TNPO3: variants seen among roughly 807,000 people sequenced by gnomAD.
TNPO3 encodes transportin 3.
A neutral mutation model predicts 122.8 loss-of-function variants in TNPO3; 65 were observed. The observed-to-expected ratio is 0.53, with a 90% CI of 0.43 to 0.65. The LOEUF is 0.65. Ranked by LOEUF, TNPO3 falls within the 30% of genes least tolerant of loss-of-function variation. The probability of loss-of-function intolerance (pLI) is 0.00; values close to 1 mark genes in which losing one functional copy is unlikely to be tolerated. For missense variants in TNPO3, 850 were observed against 1,136.7 expected (o/e 0.75, Z 3.63); for synonymous variants, 372 against 411.2 (o/e 0.90, Z 1.15).
At chr7:128,957,144 G>T (rs897694639) in intron 22 of TNPO3, 80 bp downstream of exon 22, 4 of 1,185,558 alleles carry the variant, frequency 3.4e-6, no homozygotes, top group African/African-American at 1.5e-5. Flanking sequence ...CCCATGATAG[G>T]CATTAAAACC....
At position 129,023,038 on chromosome 7, in the gene TNPO3, A is replaced by T. The variant is rs532009769; in HGVS notation, c.121-4881T>A. 5.3e-5 allele frequency among the ~76,000 whole-genome samples: 8 copies of T among 152,326 alleles called. No homozygotes were observed. The East Asian group carries it at 1.5e-3, about 29-fold the overall frequency. On this transcript the variant is annotated intron_variant, in intron 1 of 22. Transcript: ENST00000265388. The stretch of plus-strand genomic sequence containing the variant: ...GTGGAAGAAAGGGGAGAGCACATGC[A>T]AAACTATGCTTGTTTTTGGTGTATA...
At chr7:129,039,066 T>C (rs1348393272) in intron 1 of TNPO3, among the ~76,000 whole-genome samples, 1 of 152,140 alleles carries the variant, frequency 6.6e-6, no homozygotes, top group African/African-American at 2.4e-5. Flanking sequence ...ATGCTCAACA[T>C]GATTAGCCAT....
At chr7:129,001,570 G>A (rs759218533) in intron 5 of TNPO3, among the ~76,000 whole-genome samples, 1 of 152,150 alleles carries the variant, frequency 6.6e-6, no homozygotes, top group Non-Finnish European at 1.5e-5. Context: ...CAGGGGTAGT[G>A]GGTGGTCCTG....
At position 128,975,893 on chromosome 7, in the gene TNPO3, ACAGGAAG is replaced by A; in HGVS notation, c.2097_2103del (p.Phe700ThrfsTer21). 1 of 1,614,162 alleles carries A rather than the reference ACAGGAAG, an allele frequency of 6.2e-7. No homozygotes were observed. Among genetic ancestry groups the A allele is most frequent in the Non-Finnish European group, 8.5e-7 (1 of 1,179,970 alleles). ...TCATCCACAAGGATACTGCCAAGGTACAGGAAGCAGGAATGCTGATGTACGTGGTACA... is the reference window on the plus strand; with the variant it reads ...TCATCCACAAGGATACTGCCAAGGTACAGGAATGCTGATGTACGTGGTACA... On this transcript the variant is annotated frameshift_variant, in exon 17 of 23. Coordinates refer to ENST00000265388, the MANE Select transcript of TNPO3 (RefSeq NM_012470.4). LOFTEE classifies it high-confidence loss of function.
intron 1 of TNPO3, among the ~76,000 whole-genome samples, chr7:129,022,796 T>C (rs936933359): frequency 6.6e-6 from 1 of 152,194 alleles, no homozygotes; most frequent in African/African-American, 2.4e-5. Context: ...TTTTCAATTA[T>C]AAAGGCCAGA....
chr7:128,989,812 C>G, intron 11 of TNPO3, 149 bp downstream of exon 11: 1 of 829,688 alleles, frequency 1.2e-6, no homozygotes, highest in Non-Finnish European at 1.9e-6. Flanking sequence ...CAAATAAGCA[C>G]TAACTTACAA....
Position 128,992,046 on chromosome 7 carries a change from T to C in TNPO3, c.1311A>G (p.Thr437=), listed in dbSNP as rs1800801271. The C allele has an allele frequency of 6.2e-7, 1 of 1,611,388 alleles. No individual in the cohort carries two copies. The highest frequency in any genetic ancestry group is 2.2e-5 in the East Asian group (1 of 44,662). The part of the protein sequence containing the change: ...LKEGNPPWEV[T]EAVLFIMAAI... Reference sequence around the variant, plus strand: ...CAGCCATGATAAAGAGAACCGCTTCTGTCACCTCCCAGGGTGGGTTGCCTT... The same window carrying C: ...CAGCCATGATAAAGAGAACCGCTTCCGTCACCTCCCAGGGTGGGTTGCCTT... The change falls in exon 10 of 23, where the codon ACA becomes ACG. Residue 437 remains threonine, a synonymous_variant. Coordinates refer to ENST00000265388, the MANE Select transcript of TNPO3 (RefSeq NM_012470.4).
intron 18 of TNPO3, among the ~76,000 whole-genome samples, chr7:128,972,948 G>C (rs999294452): frequency 6.6e-6 from 1 of 151,858 alleles, no homozygotes; most frequent in South Asian, 2.1e-4. Context: ...TAGGAGGGAG[G>C]GGTATATGGG....
In TNPO3 at chr7:128,979,023, C is replaced by T; in HGVS notation, c.2021G>A (p.Gly674Asp). 1.2e-6 allele frequency: 2 copies of T among 1,614,174 alleles called. No homozygotes were observed. Among genetic ancestry groups the T allele is most frequent in the Non-Finnish European group, 1.7e-6 (2 of 1,180,006 alleles). The change falls in exon 16 of 23, where the codon GGC (glycine) becomes GAC (aspartate). Residue 674 changes from glycine to aspartate, a missense_variant. Gly to Asp is a moderately conservative substitution (Grantham distance 94, BLOSUM62 -1). Transcript: ENST00000265388. ...CTGCAGCAGTGCTGCAGATCCTTTG[C>T]CTACACAGCGAACAGCAAAGCGCAG... Reference protein sequence around the residue: ...RCLRFAVRCVGKGSAALLQPL... With the variant: ...RCLRFAVRCVDKGSAALLQPL...
chr7:128,974,975 A>G lies in TNPO3; in HGVS notation c.2179-13T>C. On this transcript the variant is annotated splice_polypyrimidine_tract_variant and intron_variant, in intron 17 of 22. Coordinates refer to ENST00000265388, the MANE Select transcript of TNPO3 (RefSeq NM_012470.4). ...GGATGCACAGTGCCTAAAACAAAAC[A>G]GTGATTTTAAAAGAAATGCTTTTTC... 6.2e-7 allele frequency: 1 copy of G among 1,608,606 alleles called. No homozygotes were observed.
At position 128,982,232 on chromosome 7, in the gene TNPO3, G is replaced by A. The variant is rs540440694; in HGVS notation, c.1859+16C>T. On this transcript the variant is annotated intron_variant, in intron 14 of 22. Coordinates refer to ENST00000265388, the MANE Select transcript of TNPO3 (RefSeq NM_012470.4). Reference sequence around the variant, plus strand: ...GCCTTTAACCCAAGTAAGGCATCCAGAGTCTCCTTTCTTACCTAAATATCA... The same window carrying A: ...GCCTTTAACCCAAGTAAGGCATCCAAAGTCTCCTTTCTTACCTAAATATCA... 4 of 1,608,676 alleles carry A rather than the reference G, an allele frequency of 2.5e-6. No individual in the cohort carries two copies. Among genetic ancestry groups the A allele is most frequent in the South Asian group, 2.2e-5 (2 of 90,844 alleles).
chr7:129,031,180 T>C (rs550462403), intron 1 of TNPO3, among the ~76,000 whole-genome samples: 103 of 151,872 alleles, frequency 6.8e-4, no homozygotes, highest in Non-Finnish European at 1.1e-3. Context: ...CTGCCTGTAG[T>C]CCCAGCTACT....
chr7:129,024,670 C>G (rs1046762235), intron 1 of TNPO3, among the ~76,000 whole-genome samples: 1 of 152,100 alleles, frequency 6.6e-6, no homozygotes, highest in Non-Finnish European at 1.5e-5. Context: ...ACAATAAAAT[C>G]AGCAAAATCC....
chr7:129,037,867 T>C (rs1584589669), intron 1 of TNPO3, among the ~76,000 whole-genome samples: 1 of 151,514 alleles, frequency 6.6e-6, no homozygotes, highest in South Asian at 2.1e-4. Context: ...CTCCTACCAC[T>C]GAGAGAAGGG....
At position 128,975,932 on chromosome 7, in the gene TNPO3, C is replaced by T; in HGVS notation, c.2065G>A (p.Val689Met). 6.2e-7 allele frequency: 1 copy of T among 1,608,738 alleles called. No homozygotes were observed. The highest frequency in any genetic ancestry group is 8.5e-7 in the Non-Finnish European group (1 of 1,175,160). Reference sequence around the variant, plus strand: ...TGCTGATGTACGTGGTACACATTCACCATCTGTTGAGGGAAAAAACAATTA... The same window carrying T: ...TGCTGATGTACGTGGTACACATTCATCATCTGTTGAGGGAAAAAACAATTA... ...ALLQPLVTQM[V>M]NVYHVHQHSC... The change falls in exon 17 of 23, where the codon GTG (valine) becomes ATG (methionine). Residue 689 changes from valine to methionine, a missense_variant. Coordinates refer to ENST00000265388, the MANE Select transcript of TNPO3 (RefSeq NM_012470.4).
At chr7:128,982,400 C>A (rs1374202489) in intron 13 of TNPO3, 76 bp from the exon 14 acceptor site, 4 of 1,285,854 alleles carry the variant, frequency 3.1e-6, no homozygotes, top group South Asian at 1.2e-5. Flanking sequence ...CATACATCAA[C>A]CTTTGTCTCA....
rs1585339231 is a variant in TNPO3 at position 128,992,023 on chromosome 7, G to A, written c.1334C>T (p.Ala445Val). 6.2e-7 allele frequency: 1 copy of A among 1,610,446 alleles called. No homozygotes were observed. The highest frequency in any genetic ancestry group is 8.5e-7 in the Non-Finnish European group (1 of 1,178,314). ...EVTEAVLFIM[A>V]AIAKSVDPEN... Reference sequence around the variant, plus strand: ...CGGATCAACACTCTTTGCTATAGCAGCCATGATAAAGAGAACCGCTTCTGT... The same window carrying A: ...CGGATCAACACTCTTTGCTATAGCAACCATGATAAAGAGAACCGCTTCTGT... The change falls in exon 10 of 23, where the codon GCT becomes GTT. Residue 445 changes from alanine (A) to valine (V), a missense_variant. Coordinates refer to ENST00000265388, the MANE Select transcript of TNPO3 (RefSeq NM_012470.4).
At chr7:128,994,572 GC>G (rs1801106941) in intron 8 of TNPO3, among the ~76,000 whole-genome samples, 1 of 152,180 alleles carries the variant, frequency 6.6e-6, no homozygotes, top group Non-Finnish European at 1.5e-5. Context: ...GAGAAGGTCA[GC>G]TCTTTAGTGA....
chr7:129,015,188 C>T (rs1803695840), intron 3 of TNPO3, 53 bp from the exon 4 acceptor site: 4 of 1,576,062 alleles, frequency 2.5e-6, no homozygotes, highest in Middle Eastern at 1.7e-4. Context: ...AATACACAAT[C>T]ACATAAGATA....
Sources: allele counts gnomAD v4.1 joint callset (sites outside exome capture counted in the v4.1 genomes callset), GRCh38; gene constraint gnomAD v4.1.1; transcripts MANE v1.5; gene names NCBI Gene and HGNC (gene_info 2026-07-23, HGNC 2026-07-21).